The following SLC16A1 variants were observed in gnomAD, a reference collection of about 807,000 sequenced individuals.
SLC16A1 encodes monocarboxylate transporter 1.
In SLC16A1, 11 loss-of-function variants were observed where a neutral mutation model predicts 32.2. The observed-to-expected ratio is 0.34, with a 90% CI of 0.21 to 0.56. SLC16A1 has a LOEUF of 0.56. SLC16A1 is among the 20% of genes least tolerant of loss of function. SLC16A1 has a pLI of 0.87. For synonymous variants in SLC16A1, 231 were observed against 226.8 expected (o/e 1.02, Z -0.17); for missense variants, 435 against 615.0 (o/e 0.71, Z 3.10).
chr1:112,941,344 C>T (rs948978428), intron 1 of SLC16A1, among the ~76,000 whole-genome samples: 14 of 145,218 alleles, frequency 9.6e-5, no homozygotes, highest in African/African-American at 3.1e-4. Context: ...TGCGATGGTA[C>T]GATCTTGGCT....
At chr1:112,937,763 CAGT>C (rs61260640) in intron 1 of SLC16A1, among the ~76,000 whole-genome samples, 4,434 of 152,200 alleles carry the variant, frequency 0.029, 209 homozygotes, top group African/African-American at 0.1. Flanking sequence ...ACAATATGCA[CAGT>C]AGCTTTCCTA....
chr1:112,941,986 T>C (rs533506851), intron 1 of SLC16A1, among the ~76,000 whole-genome samples: 2 of 152,250 alleles, frequency 1.3e-5, no homozygotes, highest in South Asian at 4.1e-4. Context: ...CCTTTTTTTT[T>C]TGAGATGGAG....
intron 1 of SLC16A1, among the ~76,000 whole-genome samples, chr1:112,935,377 A>C (rs966772917): frequency 1.3e-5 from 2 of 152,112 alleles, no homozygotes; most frequent in African/African-American, 4.8e-5. Context: ...CTACTGTACT[A>C]CAGCCTGGTG....
intron 3 of SLC16A1, among the ~76,000 whole-genome samples, chr1:112,920,719 C>T (rs1648694597): frequency 6.6e-6 from 1 of 151,912 alleles, no homozygotes; most frequent in African/African-American, 2.4e-5. Context: ...GAGTAGAAAA[C>T]AACTTTCTCA....
At chr1:112,949,821 G>A (rs754975113) in intron 1 of SLC16A1, among the ~76,000 whole-genome samples, 3 of 152,036 alleles carry the variant, frequency 2.0e-5, no homozygotes, top group Non-Finnish European at 4.4e-5. Flanking sequence ...TTACAGACGT[G>A]AGCCACGTGC....
Position 112,912,668 on chromosome 1 carries a change from T to A in SLC16A1, c.*1223A>T, listed in dbSNP as rs529607926. On this transcript the variant is annotated 3_prime_UTR_variant, in exon 5 of 5. Transcript: ENST00000369626. The stretch of plus-strand genomic sequence containing the variant: ...TCCAGCAATTCTAAGCACAACAATT[T>A]TCTGTAAGGCCTTCTCTGAAAAAAG... The A allele has an allele frequency of 1.3e-5, 2 of 152,194 alleles. No individual in the cohort carries two copies. The highest frequency in any genetic ancestry group is 4.8e-5 in the African/African-American group (2 of 41,528). The allele number at this position is 152,194 out of a possible 1,614,324, so 9.4% of individuals were successfully genotyped here.
At chr1:112,938,702 G>C (rs1160824856) in intron 1 of SLC16A1, among the ~76,000 whole-genome samples, 1 of 151,912 alleles carries the variant, frequency 6.6e-6, no homozygotes, top group African/African-American at 2.4e-5. Context: ...TTGCTAACTC[G>C]AATGCTTAAA....
chr1:112,913,779 A>C lies in SLC16A1; in HGVS notation c.*112T>G, dbSNP rs531834730. 8 of 1,323,352 alleles carry C rather than the reference A, an allele frequency of 6.0e-6. No homozygotes were observed. The highest frequency in any genetic ancestry group is 2.4e-5 in the South Asian group (2 of 83,930). The allele number at this position is 1,323,352 out of a possible 1,614,324, so 82.0% of individuals were successfully genotyped here. Reference sequence around the variant, plus strand: ...TCAATGAACAACTGGTATGATTTCCACACAAATGTCTACTATTTGCATTGA... The same window carrying C: ...TCAATGAACAACTGGTATGATTTCCCCACAAATGTCTACTATTTGCATTGA... On this transcript the variant is annotated 3_prime_UTR_variant, in exon 5 of 5. Coordinates refer to ENST00000369626, the MANE Select transcript of SLC16A1 (RefSeq NM_003051.4).
In SLC16A1 at chr1:112,929,232, G is replaced by C. The variant is rs777263138; in HGVS notation, c.77C>G (p.Ala26Gly). 1.2e-5 allele frequency: 19 copies of C among 1,613,982 alleles called. No homozygotes were observed. In the East Asian group the frequency reaches 4.2e-4, roughly 36 times the overall value. ...GGWGWAVVIG[A>G]FISIGFSYAF... is the part of the protein sequence containing the mutation. ...ATAAGAGAAGCCGATGGAAATGAAA[G>C]CTCCAATTACCACTGCCCAGCCCCA... The change falls in exon 2 of 5, where the codon GCT becomes GGT. Residue 26 changes from alanine to glycine, a missense_variant. By Grantham distance (60) the Ala-to-Gly change is moderately conservative. Coordinates refer to ENST00000369626, the MANE Select transcript of SLC16A1 (RefSeq NM_003051.4).
intron 3 of SLC16A1, 38 bp from the exon 4 acceptor site, chr1:112,918,082 AAATAAATAAATAAATAAAT>A (rs1648582628): frequency 8.9e-7 from 1 of 1,119,506 alleles, no homozygotes; most frequent in South Asian, 3.2e-5. Flanking sequence ...ATAAATAAAT[AAATAAATAAATAAATAAAT>A]AATAAGAGGT....
At chr1:112,919,011 T>TTTATTTATTTATTTA (rs374042504) in intron 3 of SLC16A1, among the ~76,000 whole-genome samples, 11 of 144,224 alleles carry the variant, frequency 7.6e-5, no homozygotes, top group Non-Finnish European at 1.4e-4. Flanking sequence ...TACTAATTTA[T>TTTATTTATTTATTTA]TTTATTTATT....
At chr1:112,947,251 A>G (rs1428127163) in intron 1 of SLC16A1, among the ~76,000 whole-genome samples, 2 of 152,264 alleles carry the variant, frequency 1.3e-5, no homozygotes, top group African/African-American at 2.4e-5. Context: ...TTATTAACAC[A>G]TAACCTACCC....
chr1:112,921,509 A>AG (rs1648734316), intron 3 of SLC16A1, among the ~76,000 whole-genome samples: 1 of 152,228 alleles, frequency 6.6e-6, no homozygotes, highest in Non-Finnish European at 1.5e-5. Flanking sequence ...AACACATGGA[A>AG]GGATATACAT....
chr1:112,946,719 AT>A (rs1406227674), intron 1 of SLC16A1, among the ~76,000 whole-genome samples: 2 of 152,014 alleles, frequency 1.3e-5, no homozygotes, highest in Non-Finnish European at 2.9e-5. Context: ...ACGCCCAGCT[AT>A]TTTTTGTATT....
intron 1 of SLC16A1, chr1:112,955,804 G>A (rs1011606776): frequency 3.1e-4 from 47 of 152,314 alleles, no homozygotes; most frequent in African/African-American, 1.0e-3. Flanking sequence ...TCTTAGCACG[G>A]GGCCCGCGGC....
chr1:112,914,259 C>T, intron 4 of SLC16A1, 94 bp from the exon 5 acceptor site: 2 of 1,353,848 alleles, frequency 1.5e-6, no homozygotes, highest in Non-Finnish European at 2.1e-6. Flanking sequence ...AGAAAGATGT[C>T]AATCCAATCT....
intron 3 of SLC16A1, among the ~76,000 whole-genome samples, chr1:112,919,790 C>A (rs1236508324): frequency 6.6e-6 from 1 of 152,194 alleles, no homozygotes; most frequent in Non-Finnish European, 1.5e-5. Context: ...TTTCACAAAT[C>A]TGGTTCCCTG....
At chr1:112,942,827 A>G (rs1179887110) in intron 1 of SLC16A1, among the ~76,000 whole-genome samples, 2 of 152,232 alleles carry the variant, frequency 1.3e-5, no homozygotes, top group Admixed American at 1.3e-4. Context: ...CCTCTTGTAC[A>G]GTAGTTGTTT....
intron 1 of SLC16A1, among the ~76,000 whole-genome samples, chr1:112,951,582 C>G (rs1649898906): frequency 6.6e-6 from 1 of 152,148 alleles, no homozygotes; most frequent in Admixed American, 6.5e-5. Flanking sequence ...AGTGATTCTA[C>G]TAGGTATTCT....
Sources: allele counts gnomAD v4.1 joint callset (sites outside exome capture counted in the v4.1 genomes callset), GRCh38; gene constraint gnomAD v4.1.1; transcripts MANE v1.5; gene names NCBI Gene and HGNC (gene_info 2026-07-23, HGNC 2026-07-21).